Variants in FRYL observed in about 807,000 individuals in gnomAD.
The protein encoded by FRYL is protein furry homolog-like.
A neutral mutation model predicts 351.2 loss-of-function variants in FRYL; 150 were observed. The ratio of observed to expected loss-of-function variants is 0.43; its 90% confidence interval spans 0.37 to 0.49. FRYL has a LOEUF of 0.49. Ranked by LOEUF, FRYL falls within the 20% of genes least tolerant of loss-of-function variation. The pLI is 0.00. For missense variants in FRYL, 3,036 were observed against 3,619.3 expected (o/e 0.84, Z 4.13); for synonymous variants, 1,153 against 1,257.1 (o/e 0.92, Z 1.75).
chr4:48,527,371 C>A lies in FRYL; in HGVS notation c.7317+106G>T, dbSNP rs535568495. 8.0e-6 allele frequency: 6 copies of A among 752,570 alleles called. No individual in the cohort carries two copies. In the South Asian group the frequency reaches 2.5e-4, roughly 31 times the overall value. 46.6% of individuals were successfully genotyped at this position (752,570 alleles called of 1,614,324 possible). A position where few individuals can be genotyped will look rare whatever the true frequency, so the allele number is the denominator to read the frequency against. On this transcript the variant is annotated intron_variant, in intron 53 of 63. Coordinates refer to ENST00000358350, the MANE Select transcript of FRYL (RefSeq NM_015030.2). ...TTTAATTCCTAATTTAGATTTTTAC[C>A]TTTTTGACCTTACACTGACCTCAAT...
chr4:48,667,939 C>T (rs576093130), intron 3 of FRYL, among the ~76,000 whole-genome samples: 1 of 152,300 alleles, frequency 6.6e-6, no homozygotes, highest in East Asian at 1.9e-4. Flanking sequence ...AGAGCCACAG[C>T]GTCCGGCCAA....
At chr4:48,742,480 C>T (rs1206817218) in intron 1 of FRYL, among the ~76,000 whole-genome samples, 1 of 152,142 alleles carries the variant, frequency 6.6e-6, no homozygotes, top group Non-Finnish European at 1.5e-5. Context: ...GTCTCTGGAC[C>T]TCTTTTCTAT....
chr4:48,529,125 T>C (rs775575201), intron 50 of FRYL, among the ~76,000 whole-genome samples: 3 of 152,206 alleles, frequency 2.0e-5, no homozygotes, highest in Non-Finnish European at 4.4e-5. Flanking sequence ...TTTTAGCCTA[T>C]GTTGCCCCTT....
chr4:48,599,833 A>T (rs1702796), intron 13 of FRYL, among the ~76,000 whole-genome samples: 3 of 152,170 alleles, frequency 2.0e-5, no homozygotes, highest in Non-Finnish European at 4.4e-5. Context: ...CTAGGCTGGG[A>T]GCAGTGGTTC....
At chr4:48,717,179 G>A (rs967260847) in intron 1 of FRYL, among the ~76,000 whole-genome samples, 6 of 150,658 alleles carry the variant, frequency 4.0e-5, no homozygotes, top group African/African-American at 9.7e-5. Flanking sequence ...GGTAGATGAC[G>A]AGTTAGTGGG....
intron 3 of FRYL, among the ~76,000 whole-genome samples, chr4:48,645,743 A>G (rs1390216122): frequency 1.3e-5 from 2 of 152,194 alleles, no homozygotes; most frequent in Non-Finnish European, 2.9e-5. Flanking sequence ...TCTAAAATGG[A>G]ACAGTTGGCT....
intron 42 of FRYL, among the ~76,000 whole-genome samples, chr4:48,545,680 T>G (rs1019216171): frequency 6.6e-6 from 1 of 152,212 alleles, no homozygotes; most frequent in African/African-American, 2.4e-5. Flanking sequence ...TGTGCTCCTG[T>G]GATTTTGTTC....
chr4:48,623,118 T>C lies in FRYL; in HGVS notation c.174+8A>G. 1 of 1,578,004 alleles carries C rather than the reference T, an allele frequency of 6.3e-7. No individual in the cohort carries two copies. The highest frequency in any genetic ancestry group is 1.4e-5 in the African/African-American group (1 of 73,210). On this transcript the variant is annotated splice_region_variant and intron_variant, in intron 5 of 63. Transcript: ENST00000358350. ...GGGGAAAAAAAAATTCTCCCAAAAT[T>C]GTCATACCTGATCAAACTGAAGATC...
intron 7 of FRYL, among the ~76,000 whole-genome samples, chr4:48,614,815 CT>C (rs369399363): frequency 1.5e-5 from 1 of 67,962 alleles, no homozygotes; most frequent in African/African-American, 6.0e-5. Flanking sequence ...AAGTTTAATG[CT>C]TTTTTTTTTT....
At chr4:48,583,659 T>C (rs1741426113) in intron 19 of FRYL, among the ~76,000 whole-genome samples, 1 of 151,774 alleles carries the variant, frequency 6.6e-6, no homozygotes. Flanking sequence ...TCCCAGTACT[T>C]TGGGAGGCCA....
intron 2 of FRYL, among the ~76,000 whole-genome samples, chr4:48,687,582 T>C (rs1055386790): frequency 6.6e-6 from 1 of 151,100 alleles, no homozygotes; most frequent in Non-Finnish European, 1.5e-5. Flanking sequence ...GGTGTTCAAA[T>C]AACACGTGAA....
chr4:48,728,956 C>T lies in FRYL; in HGVS notation c.-383-18258G>A, dbSNP rs2149622346. ...GGAAATGCAAGCGGTCAGGGGATTT[C>T]CCTTTCCTAGCCAAGGGAAGCCGTG... On this transcript the variant is annotated intron_variant, in intron 1 of 63. Transcript: ENST00000358350. 2.0e-5 allele frequency among the ~76,000 whole-genome samples: 3 copies of T among 152,338 alleles called. No individual in the cohort carries two copies. In the South Asian group the frequency reaches 6.2e-4, roughly 32 times the overall value.
intron 4 of FRYL, among the ~76,000 whole-genome samples, chr4:48,630,888 C>G (rs536102231): frequency 6.6e-6 from 1 of 152,206 alleles, no homozygotes; most frequent in African/African-American, 2.4e-5. Context: ...CTGACAAGCC[C>G]TGGATGCTAT....
intron 2 of FRYL, among the ~76,000 whole-genome samples, chr4:48,709,317 T>C (rs1341673998): frequency 2.0e-5 from 3 of 152,138 alleles, no homozygotes; most frequent in Non-Finnish European, 4.4e-5. Flanking sequence ...TAATGGATGC[T>C]AGACACGTTA....
intron 1 of FRYL, among the ~76,000 whole-genome samples, chr4:48,747,336 A>G (rs1474038622): frequency 6.6e-6 from 1 of 152,230 alleles, no homozygotes; most frequent in Admixed American, 6.5e-5. Context: ...AATCCTCAAG[A>G]GTGAGGATTG....
At chr4:48,688,923 C>T (rs911998030) in intron 2 of FRYL, among the ~76,000 whole-genome samples, 1 of 152,086 alleles carries the variant, frequency 6.6e-6, no homozygotes, top group Admixed American at 6.5e-5. Flanking sequence ...CTCAGCCTCC[C>T]AAAGTGCTGG....
chr4:48,605,430 T>A (rs1268933715), intron 11 of FRYL, among the ~76,000 whole-genome samples: 5 of 152,236 alleles, frequency 3.3e-5, no homozygotes, highest in Non-Finnish European at 5.9e-5. Flanking sequence ...ATTTCTTCAT[T>A]TTTGAGATTT....
rs544877438 is a variant in FRYL at position 48,632,630 on chromosome 4, A to G, written c.120+1661T>C. 2.6e-5 allele frequency among the ~76,000 whole-genome samples: 4 copies of G among 151,900 alleles called. No individual in the cohort carries two copies. The East Asian group carries it at 7.7e-4, about 29-fold the overall frequency. ...TATATATACATTAGTATAAAAATCA[A>G]TTTGCTATGTGGAAAGCAATCATGG... On this transcript the variant is annotated intron_variant, in intron 4 of 63. Coordinates refer to ENST00000358350, the MANE Select transcript of FRYL (RefSeq NM_015030.2).
chr4:48,556,899 T>C, intron 35 of FRYL, 79 bp downstream of exon 35: 6 of 1,307,904 alleles, frequency 4.6e-6, no homozygotes, highest in Non-Finnish European at 6.2e-6. Flanking sequence ...CCTGGGCAAC[T>C]GCTGCCCATA....
Sources: allele counts gnomAD v4.1 joint callset (sites outside exome capture counted in the v4.1 genomes callset), GRCh38; gene constraint gnomAD v4.1.1; transcripts MANE v1.5; gene names NCBI Gene and HGNC (gene_info 2026-07-23, HGNC 2026-07-21).